AGBL1: variants seen among roughly 807,000 people sequenced by gnomAD.
AGBL1 encodes the protein AGBL carboxypeptidase 1, also known as cytosolic carboxypeptidase 4.
Under a neutral mutation model 118.9 loss-of-function variants are expected in AGBL1, and 130 were observed. That is an observed-to-expected ratio of 1.09 (90% CI 0.95 to 1.26). The LOEUF is 1.26. Among genes scored for constraint, AGBL1 ranks in the 50% most tolerant of loss-of-function variants. The pLI is 0.00. For synonymous variants in AGBL1, 555 were observed against 478.9 expected, an observed-to-expected ratio of 1.16 and a Z score of -2.08; for missense variants, 1,584 against 1,298.1, an observed-to-expected ratio of 1.22 and a Z score of -3.38.
intron 1 of AGBL1, among the ~76,000 whole-genome samples, chr15:86,124,362 AAAAATCCC>A (rs1436658505): frequency 6.6e-6 from 1 of 151,380 alleles, no homozygotes; most frequent in Non-Finnish European, 1.5e-5. Context: ...GAAAACCCCC[AAAAATCCC>A]AAAAAACAAA....
chr15:86,561,503 A>G (rs1272526800), intron 21 of AGBL1, among the ~76,000 whole-genome samples: 2 of 152,052 alleles, frequency 1.3e-5, no homozygotes, highest in East Asian at 3.9e-4. Context: ...GTGCTGTTCC[A>G]TTGGTCTATA....
chr15:87,003,747 T>C (rs2081466599), intron 24 of AGBL1, among the ~76,000 whole-genome samples: 1 of 152,226 alleles, frequency 6.6e-6, no homozygotes, highest in Non-Finnish European at 1.5e-5. Flanking sequence ...TCTTCTAGAT[T>C]TTCAAGTTTA....
chr15:86,690,943 TAATC>T (rs1372378622), intron 22 of AGBL1, among the ~76,000 whole-genome samples: 4 of 152,178 alleles, frequency 2.6e-5, no homozygotes, highest in Non-Finnish European at 5.9e-5. Flanking sequence ...ATTGTATTAT[TAATC>T]AGGGAAATGT....
chr15:86,254,765 C>G (rs1350948287), intron 7 of AGBL1, among the ~76,000 whole-genome samples: 2 of 152,186 alleles, frequency 1.3e-5, no homozygotes, highest in African/African-American at 2.4e-5. Context: ...GGGAACCTCC[C>G]TTTCCTCACC....
At chr15:86,832,166 T>C (rs1238012083) in intron 22 of AGBL1, among the ~76,000 whole-genome samples, 1 of 152,196 alleles carries the variant, frequency 6.6e-6, no homozygotes, top group Non-Finnish European at 1.5e-5. Flanking sequence ...ATTTTCCTCC[T>C]AGGCCCCCAG....
At chr15:86,798,799 G>T (rs1339802928) in intron 22 of AGBL1, among the ~76,000 whole-genome samples, 1 of 150,256 alleles carries the variant, frequency 6.7e-6, no homozygotes, top group Admixed American at 6.7e-5. Flanking sequence ...AGAAACCATA[G>T]TCAGGAGACA....
intron 22 of AGBL1, among the ~76,000 whole-genome samples, chr15:86,832,112 A>T (rs1313849493): frequency 2.6e-5 from 4 of 152,142 alleles, no homozygotes; most frequent in East Asian, 1.9e-4. Context: ...TAAGTCCGAG[A>T]CTGCACAAAG....
intron 6 of AGBL1, among the ~76,000 whole-genome samples, chr15:86,238,459 G>A (rs1249138554): frequency 1.3e-5 from 2 of 152,130 alleles, no homozygotes; most frequent in African/African-American, 4.8e-5. Context: ...CCGGACAAAG[G>A]CCTGTATGTT....
At chr15:86,232,654 G>A (rs1597596081) in intron 6 of AGBL1, among the ~76,000 whole-genome samples, 1 of 152,214 alleles carries the variant, frequency 6.6e-6, no homozygotes, top group Middle Eastern at 3.4e-3. Flanking sequence ...ACTTACGGAG[G>A]GCAGGAGCAC....
At chr15:86,122,958 G>A (rs1468941684) in intron 1 of AGBL1, among the ~76,000 whole-genome samples, 1 of 152,162 alleles carries the variant, frequency 6.6e-6, no homozygotes, top group African/African-American at 2.4e-5. Context: ...CTCTAGTATA[G>A]CATCACATAA....
At chr15:86,928,440 T>C (rs10852081) in intron 23 of AGBL1, among the ~76,000 whole-genome samples, 104,415 of 152,002 alleles carry the variant, frequency 0.69, 36,756 homozygotes, top group South Asian at 0.89. Context: ...CCCGATTTTC[T>C]TTGAGGCTCA....
At chr15:86,564,162 A>G (rs889087018) in intron 21 of AGBL1, among the ~76,000 whole-genome samples, 13 of 152,146 alleles carry the variant, frequency 8.5e-5, no homozygotes, top group African/African-American at 3.1e-4. Context: ...TGTGAATTTG[A>G]TCCTGTCATT....
chr15:86,175,631 C>T (rs576297524), intron 5 of AGBL1, among the ~76,000 whole-genome samples: 1 of 152,118 alleles, frequency 6.6e-6, no homozygotes, highest in African/African-American at 2.4e-5. Flanking sequence ...GACATAGTCA[C>T]TTTTTTGCTA....
At chr15:86,616,339 CA>C (rs199936794) in intron 21 of AGBL1, among the ~76,000 whole-genome samples, 4,152 of 49,302 alleles carry the variant, frequency 0.084, 187 homozygotes, top group African/African-American at 0.2. Flanking sequence ...TCCTCCACTT[CA>C]AAAAAAAAAA....
chr15:86,795,608 G>A (rs12910244), intron 22 of AGBL1, among the ~76,000 whole-genome samples: 40,264 of 147,978 alleles, frequency 0.27, 6,755 homozygotes, highest in Non-Finnish European at 0.39. Flanking sequence ...TTTTGAGACG[G>A]AATTTCACTC....
At chr15:86,295,217 T>C (rs751391257) in intron 16 of AGBL1, 38 bp from the exon 17 acceptor site, 1 of 1,604,530 alleles carries the variant, frequency 6.2e-7, no homozygotes, top group South Asian at 1.1e-5. Context: ...TTATAAAAAA[T>C]GTTGATAATA....
At chr15:86,583,111 A>G (rs2142335600) in intron 21 of AGBL1, among the ~76,000 whole-genome samples, 1 of 152,128 alleles carries the variant, frequency 6.6e-6, no homozygotes, top group Non-Finnish European at 1.5e-5. Context: ...CTATTATTTT[A>G]TCTAAGAGGA....
chr15:86,408,244 T>G (rs1489136146), intron 18 of AGBL1, among the ~76,000 whole-genome samples: 4 of 152,168 alleles, frequency 2.6e-5, no homozygotes, highest in Non-Finnish European at 4.4e-5. Flanking sequence ...TCTATTGATA[T>G]TCTCTGTAGA....
At chr15:86,932,835 G>C (rs1236984535) in intron 23 of AGBL1, 1 of 151,852 alleles carries the variant, frequency 6.6e-6, no homozygotes, top group African/African-American at 2.4e-5. Context: ...TTTTCTTTCT[G>C]ATGAGAAGAC....
Sources: allele counts gnomAD v4.1 joint callset (sites outside exome capture counted in the v4.1 genomes callset), GRCh38; gene constraint gnomAD v4.1.1; transcripts MANE v1.5; gene names NCBI Gene and HGNC (gene_info 2026-07-23, HGNC 2026-07-21).